The following AKNA variants were observed in gnomAD, a reference collection of about 807,000 sequenced individuals.
AKNA encodes the protein microtubule organization protein AKNA.
Under a neutral mutation model 138.8 loss-of-function variants are expected in AKNA, and 67 were observed. That is an observed-to-expected ratio of 0.48 (90% CI 0.40 to 0.59). AKNA has a LOEUF of 0.59. Among genes scored for constraint, AKNA ranks in the 20% least tolerant of loss-of-function variants. AKNA has a pLI of 0.00. For synonymous variants in AKNA, 737 were observed against 754.4 expected (o/e 0.98, Z 0.38); for missense variants, 1,813 against 1,880.4 (o/e 0.96, Z 0.66).
downstream of AKNA, chr9:114,332,003 G>A (rs1006767272): frequency 3.6e-6 from 5 of 1,390,784 alleles, no homozygotes; most frequent in East Asian, 4.6e-5. Flanking sequence ...CCCAGAGCAG[G>A]AAAGCTGCCA....
At chr9:114,366,959 T>C (rs1564641861) in intron 6 of AKNA, among the ~76,000 whole-genome samples, 1 of 152,172 alleles carries the variant, frequency 6.6e-6, no homozygotes, top group South Asian at 2.1e-4. Context: ...CCTTACTTCC[T>C]CTCTGCCCCA....
chr9:114,351,049 T>G, intron 14 of AKNA, 28 bp from the exon 15 acceptor site: 1 of 1,608,110 alleles, frequency 6.2e-7, no homozygotes, highest in Middle Eastern at 1.7e-4. Context: ...GAACCCAAAG[T>G]GAGTTTAAGC....
At chr9:114,355,464 G>A (rs1434749025) in intron 14 of AKNA, among the ~76,000 whole-genome samples, 5 of 152,250 alleles carry the variant, frequency 3.3e-5, no homozygotes, top group African/African-American at 1.2e-4. Context: ...GGCACGAGCC[G>A]CTGCACCCGG....
Position 114,341,649 on chromosome 9 carries a change from C to T in AKNA, c.3951G>A (p.Ser1317=), listed in dbSNP as rs773536185. Residue 1317 remains serine (S), a synonymous_variant, in exon 21 of 22, where the codon TCG becomes TCA. Coordinates refer to ENST00000374088, the MANE Select transcript of AKNA (RefSeq NM_001317950.2). ...SPKQRSKQAG[S]SPRPPPGLWY... ...ACAGTCCGGGGGGTGGGCGTGGCGA[C>T]GACCCCGCCTGCTTGCTCCTCTGCT... The T allele has an allele frequency of 1.7e-5, 28 of 1,608,746 alleles. No homozygotes were observed. Among genetic ancestry groups the T allele is most frequent in the South Asian group, 3.3e-5 (3 of 90,574 alleles).
rs572009063 is a variant in AKNA at position 114,349,514 on chromosome 9, T to G, written c.3221+1345A>C. ...CTCCCCGAGAACCCAGTCCCCATCA[T>G]CTCTCTCCTGGATGTGGCAGCCTTC... On this transcript the variant is annotated intron_variant, in intron 15 of 21. Transcript: ENST00000374088. Among the ~76,000 whole-genome samples, 9 of 152,210 alleles carry G rather than the reference T, an allele frequency of 5.9e-5. No homozygotes were observed. In the East Asian group the frequency reaches 1.4e-3, roughly 23 times the overall value.
In AKNA at chr9:114,335,964, A is replaced by G. The variant is rs1028473602; in HGVS notation, c.*1090T>C. Reference sequence around the variant, plus strand: ...CGCAGTTGAAAGATTTATGGTTCTGAGATAGGCAAAGGGGGAAAACTGGAG... The same window carrying G: ...CGCAGTTGAAAGATTTATGGTTCTGGGATAGGCAAAGGGGGAAAACTGGAG... On this transcript the variant is annotated 3_prime_UTR_variant, in exon 22 of 22. Transcript: ENST00000374088. 3.3e-5 allele frequency: 5 copies of G among 152,136 alleles called. No individual in the cohort carries two copies. The allele number at this position is 152,136 out of a possible 1,614,324, so 9.4% of individuals were successfully genotyped here.
chr9:114,361,690 G>A lies in AKNA; in HGVS notation c.2124+14C>T, dbSNP rs1357337776. On this transcript the variant is annotated intron_variant, in intron 9 of 21. Coordinates refer to ENST00000374088, the MANE Select transcript of AKNA (RefSeq NM_001317950.2). ...CACGAGGGAACAGCCCAATATGGTT[G>A]AGCCAAGAGGTACCTCAGGGCAGGA... 4 of 1,612,180 alleles carry A rather than the reference G, an allele frequency of 2.5e-6. No individual in the cohort carries two copies. The highest frequency in any genetic ancestry group is 3.4e-6 in the Non-Finnish European group (4 of 1,179,720).
At chr9:114,357,495 G>T (rs1831581367) in intron 12 of AKNA, among the ~76,000 whole-genome samples, 1 of 150,558 alleles carries the variant, frequency 6.6e-6, no homozygotes, top group African/African-American at 2.5e-5. Context: ...CCTGACCATG[G>T]GCTCGTTAGG....
chr9:114,344,872 G>C (rs375776031), intron 18 of AKNA: 2 of 153,936 alleles, frequency 1.3e-5, no homozygotes, highest in Admixed American at 1.3e-4. Flanking sequence ...CTTGGCCTCT[G>C]TCCACTCCCT....
chr9:114,393,858 A>C (rs565648696), intron 1 of AKNA, among the ~76,000 whole-genome samples: 1 of 152,232 alleles, frequency 6.6e-6, no homozygotes, highest in East Asian at 1.9e-4. Context: ...AAGCAAAAGA[A>C]AGAGAAAGAC....
rs1554832923 is a variant in AKNA, at chr9:114,337,013, G to GGGGGC, written c.*40_*41insGCCCC. On this transcript the variant is annotated 3_prime_UTR_variant, in exon 22 of 22. Coordinates refer to ENST00000374088, the MANE Select transcript of AKNA (RefSeq NM_001317950.2). ...CCACTCCTGGCCTGGCAGGCCACCT[G>GGGGGC]CCCACCCACCCACCCATCTGCCTCT... is the stretch of plus-strand genomic sequence containing the variant. 2 of 1,185,366 alleles carry GGGGGC rather than the reference G, an allele frequency of 1.7e-6. No individual in the cohort carries two copies. The highest frequency in any genetic ancestry group is 2.2e-6 in the Non-Finnish European group (2 of 921,704). The allele number at this position is 1,185,366 out of a possible 1,614,324, so 73.4% of individuals were successfully genotyped here. A position where few individuals can be genotyped will look rare whatever the true frequency, so the allele number is the denominator to read the frequency against.
intron 6 of AKNA, among the ~76,000 whole-genome samples, chr9:114,365,578 T>G (rs537575294): frequency 6.6e-6 from 1 of 152,032 alleles, no homozygotes; most frequent in Non-Finnish European, 1.5e-5. Flanking sequence ...ATTACATAAT[T>G]TTATAATATA....
intron 21 of AKNA, among the ~76,000 whole-genome samples, chr9:114,341,166 TA>T (rs1050875338): frequency 6.6e-6 from 1 of 152,018 alleles, no homozygotes; most frequent in African/African-American, 2.4e-5. Flanking sequence ...TAAAGTCTAT[TA>T]AAAAAAACCC....
chr9:114,338,665 C>T (rs976142657), intron 21 of AKNA, among the ~76,000 whole-genome samples: 1 of 152,208 alleles, frequency 6.6e-6, no homozygotes, highest in Non-Finnish European at 1.5e-5. Context: ...CCCAGTCATT[C>T]TGCTGGGCTA....
Position 114,377,519 on chromosome 9 carries a change from C to G in AKNA, c.288G>C (p.Glu96Asp). The G allele has an allele frequency of 6.2e-7, 1 of 1,602,168 alleles. No homozygotes were observed. Among genetic ancestry groups the G allele is most frequent in the East Asian group, 2.2e-5 (1 of 44,780 alleles). The change falls in exon 3 of 22, where the codon GAG becomes GAC. Residue 96 changes from glutamate to aspartate, a missense_variant. Physicochemically the swap from Glu to Asp is conservative, Grantham distance 45. Transcript: ENST00000374088. Reference sequence around the variant, plus strand: ...GGGAACTTGCTGGGCTGTCCACATCCTCTGCTTCAGCCTCTGGAAAGACAG... The same window carrying G: ...GGGAACTTGCTGGGCTGTCCACATCGTCTGCTTCAGCCTCTGGAAAGACAG... ...GETSGEEAEAEDVDSPASSHE... is the reference protein window; with the variant it reads ...GETSGEEAEADDVDSPASSHE...
Position 114,355,942 on chromosome 9 carries a change from G to A in AKNA, c.3041C>T (p.Thr1014Ile). The A allele has an allele frequency of 6.2e-7, 1 of 1,614,128 alleles. No homozygotes were observed. Among genetic ancestry groups the A allele is most frequent in the Non-Finnish European group, 8.5e-7 (1 of 1,180,010 alleles). The part of the protein sequence containing the change: ...QRAPNFSLER[T>I]LAAEMAVPGS... ...GCACTCACCCATCTCGGCTGCCAGT[G>A]TCCGCTCCAGGCTGAAGTTGGGTGC... Residue 1014 changes from threonine to isoleucine, a missense_variant, in exon 14 of 22, where the codon ACA (threonine) becomes ATA (isoleucine). Coordinates refer to ENST00000374088, the MANE Select transcript of AKNA (RefSeq NM_001317950.2).
chr9:114,358,134 T>C lies in AKNA; in HGVS notation c.2526A>G (p.Pro842=), dbSNP rs1316454604. ...TAGCCAGGGATGCCTGGAAACCTGG[T>C]GGCTTCATAGATACCATCTTCTCCG... ...EATEKMVSMK[P]PGFQASLARD... Residue 842 remains proline (P), a synonymous_variant, in exon 12 of 22, where the codon CCA becomes CCG. Transcript: ENST00000374088. The C allele has an allele frequency of 3.7e-6, 6 of 1,614,190 alleles. No homozygotes were observed. The highest frequency in any genetic ancestry group is 5.1e-6 in the Non-Finnish European group (6 of 1,180,016).
At chr9:114,365,119 A>C (rs990060182) in intron 6 of AKNA, among the ~76,000 whole-genome samples, 10 of 152,172 alleles carry the variant, frequency 6.6e-5, no homozygotes, top group Admixed American at 6.5e-4. Context: ...TACATTGCTT[A>C]TATACGATAT....
chr9:114,356,543 C>T (rs534656119), intron 13 of AKNA, among the ~76,000 whole-genome samples: 3 of 152,300 alleles, frequency 2.0e-5, no homozygotes, highest in African/African-American at 7.2e-5. Context: ...ACCCTGAGTG[C>T]CCTTTGCCCT....
Sources: allele counts gnomAD v4.1 joint callset (sites outside exome capture counted in the v4.1 genomes callset), GRCh38; gene constraint gnomAD v4.1.1; transcripts MANE v1.5; gene names NCBI Gene and HGNC (gene_info 2026-07-23, HGNC 2026-07-21).